The following RO60 variants were observed in gnomAD, a reference collection of about 807,000 sequenced individuals.
RO60 encodes Ro60, Y RNA binding protein, also known as RNA-binding protein RO60.
Under a neutral mutation model 55.3 loss-of-function variants are expected in RO60, and 20 were observed. The ratio of observed to expected loss-of-function variants is 0.36; its 90% CI spans 0.25 to 0.53. The LOEUF (loss-of-function observed/expected upper bound fraction) is 0.53. Ranked by LOEUF, RO60 falls within the 20% of genes least tolerant of loss-of-function variation. RO60 has a pLI of 0.92. For synonymous variants in RO60, 213 were observed against 213.6 expected, an observed-to-expected ratio of 1.00 and a Z score of 0.02; for missense variants, 558 against 646.6, an observed-to-expected ratio of 0.86 and a Z score of 1.49.
Position 193,085,997 on chromosome 1 carries a change from CAT to C in RO60, c.*1268_*1269del, listed in dbSNP as rs1422089629. 10 of 985,192 alleles carry C rather than the reference CAT, an allele frequency of 1.0e-5. No homozygotes were observed. Among genetic ancestry groups the C allele is most frequent in the Non-Finnish European group, 1.2e-5 (10 of 829,866 alleles). The allele number at this position is 985,192 out of a possible 1,614,324, so 61.0% of individuals were successfully genotyped here. On this transcript the variant is annotated 3_prime_UTR_variant, in exon 9 of 9. Transcript: ENST00000400968. ...CTGTTGAAATGCCATTATCTTTGCT[CAT>C]AATTTTATTATGGCCGTCTAAGGTA...
chr1:193,063,736 A>G (rs754488890), intron 1 of RO60, among the ~76,000 whole-genome samples: 28 of 152,204 alleles, frequency 1.8e-4, no homozygotes, highest in Non-Finnish European at 3.5e-4. Flanking sequence ...TAAGAATGCC[A>G]TTAATTTGGA....
At chr1:193,067,676 A>T (rs911262208) in intron 1 of RO60, among the ~76,000 whole-genome samples, 3 of 152,158 alleles carry the variant, frequency 2.0e-5, no homozygotes, top group Non-Finnish European at 4.4e-5. Flanking sequence ...CTGTAGTAAC[A>T]ATAGTGGTGG....
chr1:193,084,207 A>G (rs1054734641), intron 8 of RO60, among the ~76,000 whole-genome samples: 1 of 152,236 alleles, frequency 6.6e-6, no homozygotes, highest in East Asian at 1.9e-4. Flanking sequence ...TCCCAGAGAT[A>G]TGTCCTTATA....
rs1057191298 is a variant in RO60 at position 193,060,732 on chromosome 1, A to C, written c.-22+956A>C. Among the ~76,000 whole-genome samples the C allele has an allele frequency of 8.5e-5, 13 of 152,204 alleles. 1 individual carries two copies. The highest frequency in any genetic ancestry group is 3.1e-4 in the African/African-American group (13 of 41,458). Reference sequence around the variant, plus strand: ...AAATTTGTATGAAGTGTTGGTTTAAAAAAAATTTTTTTTGTAACTTTCTTG... The same window carrying C: ...AAATTTGTATGAAGTGTTGGTTTAACAAAAATTTTTTTTGTAACTTTCTTG... On this transcript the variant is annotated intron_variant, in intron 1 of 8. Coordinates refer to ENST00000400968, the MANE Select transcript of RO60 (RefSeq NM_001173524.2).
Position 193,089,807 on chromosome 1 carries a change from C to CG in RO60, c.*5076_*5077insG, listed in dbSNP as rs1674781103. 2.2e-5 allele frequency: 3 copies of CG among 134,664 alleles called. No individual in the cohort carries two copies. Among genetic ancestry groups the CG allele is most frequent in the African/African-American group, 8.6e-5 (3 of 35,000 alleles). The allele number at this position is 134,664 out of a possible 1,614,324, so 8.3% of individuals were successfully genotyped here. ...TGAACATAAATGATATTTAACTTTT[C>CG]TTTTTTTTTTTTTTTTTGAGACAGA... On this transcript the variant is annotated 3_prime_UTR_variant, in exon 9 of 9. Coordinates refer to ENST00000400968, the MANE Select transcript of RO60 (RefSeq NM_001173524.2).
chr1:193,072,450 TGGG>T (rs1673583882), intron 2 of RO60, among the ~76,000 whole-genome samples: 1 of 151,546 alleles, frequency 6.6e-6, no homozygotes, highest in African/African-American at 2.4e-5. Context: ...TTTTTTTGGT[TGGG>T]GGACATTTCT....
At chr1:193,072,708 G>A (rs1228000583) in intron 2 of RO60, among the ~76,000 whole-genome samples, 1 of 152,132 alleles carries the variant, frequency 6.6e-6, no homozygotes, top group Non-Finnish European at 1.5e-5. Flanking sequence ...ATGTGTCTTG[G>A]AAGTGTGGAG....
intron 6 of RO60, 116 bp from the exon 7 acceptor site, chr1:193,082,070 A>C (rs1225514918): frequency 5.5e-6 from 4 of 724,798 alleles, no homozygotes; most frequent in African/African-American, 1.8e-5. Flanking sequence ...AAAACACACT[A>C]ATAAAAAGTT....
Position 193,069,496 on chromosome 1 carries a change from C to G in RO60, c.442C>G (p.Leu148Val). The G allele has an allele frequency of 6.2e-7, 1 of 1,614,172 alleles. No homozygotes were observed. Among genetic ancestry groups the G allele is most frequent in the Non-Finnish European group, 8.5e-7 (1 of 1,180,036 alleles). ...SMKCGMWGRA[L>V]RKAIADWYNE... ...GAAATGTGGCATGTGGGGTCGTGCC[C>G]TCCGGAAGGCTATAGCGGACTGGTA... Residue 148 changes from leucine to valine, a missense_variant, in exon 2 of 9, where the codon CTC becomes GTC. Coordinates refer to ENST00000400968, the MANE Select transcript of RO60 (RefSeq NM_001173524.2).
In RO60 at chr1:193,059,679, C is replaced by T. The variant is rs758305862; in HGVS notation, c.-119C>T. On this transcript the variant is annotated 5_prime_UTR_variant, in exon 1 of 9. Transcript: ENST00000400968. This position sits in a 1 kb window ranked among gnomAD's most constrained non-coding sequence, Gnocchi z 4.9. ...GGGCTGTTGCTGTTGCTGTGGCTGT[C>T]GCTGCCCGTCAGGCTGCCTTCTTTT... 7.6e-5 allele frequency: 104 copies of T among 1,366,382 alleles called. No individual in the cohort carries two copies. Among genetic ancestry groups the T allele is most frequent in the Non-Finnish European group, 9.6e-5 (98 of 1,024,436 alleles). The allele number at this position is 1,366,382 out of a possible 1,614,324, so 84.6% of individuals were successfully genotyped here.
rs78083924 is a variant in RO60 at position 193,088,199 on chromosome 1, A to G, written c.*3468A>G. ...TTTTTTTTTTTTTTTTTTTTAAGAG[A>G]CAACGTCTCACTGTGTTGCCCAGGC... On this transcript the variant is annotated 3_prime_UTR_variant, in exon 9 of 9. Transcript: ENST00000400968. 0.033 allele frequency: 4,419 copies of G among 133,100 alleles called. 313 individuals carry two copies. The highest frequency in any genetic ancestry group is 0.13 in the African/African-American group (4,177 of 31,238). The allele number at this position is 133,100 out of a possible 1,614,324, so 8.2% of individuals were successfully genotyped here. A position where few individuals can be genotyped will look rare whatever the true frequency, so the allele number is the denominator to read the frequency against.
chr1:193,082,470 G>T (rs1674379678), intron 7 of RO60, 92 bp from the exon 8 acceptor site: 7 of 1,447,764 alleles, frequency 4.8e-6, no homozygotes, highest in Non-Finnish European at 6.7e-6. Context: ...TGGGAAGGCT[G>T]TATATATTGG....
intron 5 of RO60, 46 bp from the exon 6 acceptor site, chr1:193,081,316 CTT>C: frequency 3.7e-6 from 4 of 1,089,456 alleles, no homozygotes; most frequent in Non-Finnish European, 5.5e-6. Flanking sequence ...ATTTAGTCTA[CTT>C]ATAATTTCTG....
At chr1:193,073,653 A>T (rs1006417890) in intron 2 of RO60, among the ~76,000 whole-genome samples, 1 of 152,170 alleles carries the variant, frequency 6.6e-6, no homozygotes, top group African/African-American at 2.4e-5. Context: ...GGCCCACTGT[A>T]ACCTCTGCCT....
At position 193,068,953 on chromosome 1, in the gene RO60, T is replaced by C. The variant is rs1348474193; in HGVS notation, c.-21-81T>C. The C allele has an allele frequency of 1.3e-4, 113 of 891,398 alleles. 1 individual carries two copies. The Admixed American group carries it at 3.1e-3, about 25-fold the overall frequency. The allele number at this position is 891,398 out of a possible 1,614,324, so 55.2% of individuals were successfully genotyped here. On this transcript the variant is annotated intron_variant, in intron 1 of 8. Coordinates refer to ENST00000400968, the MANE Select transcript of RO60 (RefSeq NM_001173524.2). ...TTTAAATTAAAAGAGTTAATAACAT[T>C]TCAGTAAACCTACATTTTGTTTTCC...
intron 1 of RO60, among the ~76,000 whole-genome samples, chr1:193,067,680 G>A (rs1673210031): frequency 6.6e-6 from 1 of 152,170 alleles, no homozygotes; most frequent in African/African-American, 2.4e-5. Context: ...AGTAACAATA[G>A]TGGTGGACTG....
At chr1:193,091,562 G>A (rs1383986826), downstream of RO60, 4 of 1,098,176 alleles carry the variant, frequency 3.6e-6, no homozygotes, top group South Asian at 2.7e-5. Context: ...TTTTCTAATA[G>A]AGAATGAATG....
At chr1:193,074,186 G>A (rs1467648851) in intron 2 of RO60, among the ~76,000 whole-genome samples, 8 of 152,140 alleles carry the variant, frequency 5.3e-5, no homozygotes, top group African/African-American at 9.6e-5. Flanking sequence ...GAATAGTGCC[G>A]CAATAAACAT....
Position 193,069,193 on chromosome 1 carries a change from T to TA in RO60, c.140dup (p.Tyr47Ter). ...LCFGSEGGTY[Y>*]IKEQKLGLEN... The stretch of plus-strand genomic sequence containing the variant: ...TTTCGGTTCTGAAGGTGGGACTTAT[T>TA]ATATCAAAGAACAGAAGTTGGGCCT... Residue 47 changes from tyrosine to a stop codon, truncating the protein, a stop_gained and frameshift_variant, in exon 2 of 9, where the codon TAT becomes TAAT. Coordinates refer to ENST00000400968, the MANE Select transcript of RO60 (RefSeq NM_001173524.2). LOFTEE classifies it high-confidence loss of function. 1 of 1,614,236 alleles carries TA rather than the reference T, an allele frequency of 6.2e-7. No homozygotes were observed. Among genetic ancestry groups the TA allele is most frequent in the Non-Finnish European group, 8.5e-7 (1 of 1,180,042 alleles).
Sources: allele counts gnomAD v4.1 joint callset (sites outside exome capture counted in the v4.1 genomes callset), GRCh38; gene constraint gnomAD v4.1.1; non-coding constraint Gnocchi (gnomAD v3.1); transcripts MANE v1.5; gene names NCBI Gene and HGNC (gene_info 2026-07-23, HGNC 2026-07-21).